Variants in LARGE1 observed in about 807,000 individuals in gnomAD.
LARGE1 encodes xylosyl- and glucuronyltransferase LARGE1.
A neutral mutation model predicts 87.6 loss-of-function variants in LARGE1; 43 were observed. The observed-to-expected ratio is 0.49, with a 90% confidence interval of 0.38 to 0.63. The LOEUF (loss-of-function observed/expected upper bound fraction) is 0.63, where lower values mean the gene tolerates loss of function less well. Among genes scored for constraint, LARGE1 ranks in the 30% least tolerant of loss-of-function variants. LARGE1 has a pLI of 0.00. For synonymous variants in LARGE1, 434 were observed against 394.6 expected (o/e 1.10, Z -1.18); for missense variants, 802 against 1,000.2 (o/e 0.80, Z 2.67).
At chr22:33,373,391 C>A (rs2064883634) in intron 9 of LARGE1, among the ~76,000 whole-genome samples, 1 of 152,136 alleles carries the variant, frequency 6.6e-6, no homozygotes, top group African/African-American at 2.4e-5. Flanking sequence ...TCCTGAGATC[C>A]ATTTAATTTC....
At chr22:33,115,108 T>C in the LARGE1 span, among the ~76,000 whole-genome samples, 1 of 152,204 alleles carries the variant, frequency 6.6e-6, no homozygotes, top group East Asian at 1.9e-4. Context: ...TGTGGGATAG[T>C]AGATATTACA....
chr22:33,140,765 T>C, the LARGE1 span, among the ~76,000 whole-genome samples: 1 of 152,176 alleles, frequency 6.6e-6, no homozygotes, highest in East Asian at 1.9e-4. Context: ...GCTTCCCTAC[T>C]TTTGAGGTTT....
chr22:33,824,450 G>T (rs956626675), intron 1 of LARGE1, among the ~76,000 whole-genome samples: 1 of 152,132 alleles, frequency 6.6e-6, no homozygotes, highest in Admixed American at 6.6e-5. Context: ...TCATTATCAC[G>T]AGAACAGCAA....
intron 6 of LARGE1, among the ~76,000 whole-genome samples, chr22:33,477,596 C>T (rs553429139): frequency 6.6e-6 from 1 of 152,218 alleles, no homozygotes; most frequent in Admixed American, 6.5e-5. Flanking sequence ...ACAACTCCCC[C>T]CAGCCATGCA....
chr22:33,067,613 G>A, the LARGE1 span, among the ~76,000 whole-genome samples: 1 of 152,164 alleles, frequency 6.6e-6, no homozygotes, highest in Non-Finnish European at 1.5e-5. Flanking sequence ...CACACTCTAA[G>A]AGTGCCAGGG....
intron 2 of LARGE1, among the ~76,000 whole-genome samples, chr22:33,718,542 G>A (rs1601406033): frequency 6.6e-6 from 1 of 152,226 alleles, no homozygotes; most frequent in Non-Finnish European, 1.5e-5. Flanking sequence ...GGTTCTTATT[G>A]GGTGAAAACA....
intron 1 of LARGE1, among the ~76,000 whole-genome samples, chr22:33,839,083 T>C (rs953854522): frequency 6.6e-6 from 1 of 152,202 alleles, no homozygotes; most frequent in Non-Finnish European, 1.5e-5. Context: ...AAGAAATTCC[T>C]GAGGCTGAGT....
the LARGE1 span, among the ~76,000 whole-genome samples, chr22:33,072,624 A>G: frequency 1.3e-5 from 2 of 152,186 alleles, no homozygotes; most frequent in Non-Finnish European, 2.9e-5. Context: ...ACCAGAATGT[A>G]TATTTCTAAA....
intron 7 of LARGE1, among the ~76,000 whole-genome samples, chr22:33,393,587 T>C (rs1397380721): frequency 6.6e-6 from 1 of 152,246 alleles, no homozygotes; most frequent in Non-Finnish European, 1.5e-5. Context: ...AATCAGACTT[T>C]TGACCCTGCT....
chr22:33,471,431 C>T (rs2068837148), intron 6 of LARGE1, among the ~76,000 whole-genome samples: 1 of 152,162 alleles, frequency 6.6e-6, no homozygotes, highest in Non-Finnish European at 1.5e-5. Flanking sequence ...AATAATACCT[C>T]TTATTATAAC....
chr22:33,751,838 G>T lies in LARGE1; in HGVS notation c.106+9533C>A, dbSNP rs111508118. ...TCTGGAGTGCAGTGGCATGATCTTG[G>T]CTCACTGGAACATTCGCCTCCAGGG... On this transcript the variant is annotated intron_variant, in intron 2 of 14. Transcript: ENST00000397394. Among the ~76,000 whole-genome samples, 501 of 151,744 alleles carry T rather than the reference G, an allele frequency of 3.3e-3. 7 individuals carry two copies. The highest frequency in any genetic ancestry group is 0.012 in the African/African-American group (484 of 41,342).
At chr22:33,614,977 C>T (rs773166577) in intron 4 of LARGE1, among the ~76,000 whole-genome samples, 6 of 152,208 alleles carry the variant, frequency 3.9e-5, no homozygotes, top group Non-Finnish European at 7.3e-5. Context: ...CTACGCTTCA[C>T]CCCGCTAACT....
chr22:33,432,595 T>TCATTCATTCATGCATG (rs146169927), intron 6 of LARGE1, among the ~76,000 whole-genome samples: 43 of 147,236 alleles, frequency 2.9e-4, no homozygotes, highest in African/African-American at 6.6e-4. Context: ...ATTCATTCAT[T>TCATTCATTCATGCATG]CATGCATGCA....
At chr22:33,827,294 C>T (rs1417326756) in intron 1 of LARGE1, among the ~76,000 whole-genome samples, 4 of 152,086 alleles carry the variant, frequency 2.6e-5, no homozygotes, top group East Asian at 1.9e-4. Context: ...GGCGTGAACC[C>T]GGGAGGCGGA....
chr22:33,468,766 C>T (rs576811953), intron 6 of LARGE1, among the ~76,000 whole-genome samples: 8 of 152,282 alleles, frequency 5.3e-5, no homozygotes, highest in South Asian at 4.1e-4. Context: ...CGATTCAAAT[C>T]CAGGTTTGTC....
chr22:33,212,105 G>T (rs1392416819), intron 11 of LARGE1, among the ~76,000 whole-genome samples: 1 of 152,072 alleles, frequency 6.6e-6, no homozygotes, highest in East Asian at 1.9e-4. Context: ...AGAAGATCCA[G>T]CTAAAATCAC....
intron 10 of LARGE1, among the ~76,000 whole-genome samples, chr22:33,321,813 TACTG>T (rs1415653754): frequency 6.6e-6 from 1 of 152,168 alleles, no homozygotes; most frequent in Non-Finnish European, 1.5e-5. Context: ...TCATCCCCTT[TACTG>T]ACTGACTGGT....
At chr22:33,536,985 A>G (rs1196597157) in intron 6 of LARGE1, among the ~76,000 whole-genome samples, 1 of 152,060 alleles carries the variant, frequency 6.6e-6, no homozygotes, top group Non-Finnish European at 1.5e-5. Context: ...CTAATTTTGT[A>G]TTTTTAGTAG....
intron 1 of LARGE1, among the ~76,000 whole-genome samples, chr22:33,870,600 G>T (rs922972110): frequency 2.0e-5 from 3 of 151,920 alleles, no homozygotes; most frequent in African/African-American, 4.8e-5. Flanking sequence ...AGACCGTCTC[G>T]TTCTGTTGCC....
Sources: gnomAD v4.1 joint callset for allele counts (sites outside exome capture counted in the v4.1 genomes callset) on GRCh38, gnomAD v4.1.1 for gene constraint, MANE v1.5 for transcripts, NCBI Gene and HGNC (gene_info 2026-07-23, HGNC 2026-07-21) for gene names.